The following ADAMTSL1 variants were observed in gnomAD, a reference collection of about 807,000 sequenced individuals.
The protein encoded by ADAMTSL1 is ADAMTS like 1.
Under a neutral mutation model 201.8 loss-of-function variants are expected in ADAMTSL1, and 126 were observed. The observed-to-expected ratio is 0.62, with a 90% CI of 0.54 to 0.72. ADAMTSL1 has a LOEUF of 0.72. ADAMTSL1 is among the 30% of genes least tolerant of loss of function. The pLI is 0.00. For synonymous variants in ADAMTSL1, 1,121 were observed against 903.4 expected (o/e 1.24, Z -4.32); for missense variants, 2,679 against 2,277.8 (o/e 1.18, Z -3.59).
At chr9:18,331,227 G>A (rs1201880397) in intron 2 of ADAMTSL1, among the ~76,000 whole-genome samples, 1 of 152,200 alleles carries the variant, frequency 6.6e-6, no homozygotes, top group East Asian at 1.9e-4. Context: ...TGCTAAGGAA[G>A]TGTGTTGAGG....
chr9:17,941,504 C>G (rs183975523), intron 1 of ADAMTSL1, among the ~76,000 whole-genome samples: 2 of 152,204 alleles, frequency 1.3e-5, no homozygotes, highest in Admixed American at 6.5e-5. Context: ...GATACAATCT[C>G]TACCATTTAT....
At chr9:18,801,424 T>C (rs930818809) in intron 20 of ADAMTSL1, among the ~76,000 whole-genome samples, 3 of 152,210 alleles carry the variant, frequency 2.0e-5, no homozygotes, top group African/African-American at 7.2e-5. Flanking sequence ...AGGTTTTTTA[T>C]ACAGGTAAAC....
chr9:18,841,204 A>G (rs1171095438), intron 23 of ADAMTSL1, among the ~76,000 whole-genome samples: 1 of 152,190 alleles, frequency 6.6e-6, no homozygotes, highest in Non-Finnish European at 1.5e-5. Flanking sequence ...ATTTTGAGAT[A>G]CATCCCATTA....
At chr9:18,780,648 C>G (rs533614324) in intron 19 of ADAMTSL1, among the ~76,000 whole-genome samples, 1 of 152,110 alleles carries the variant, frequency 6.6e-6, no homozygotes, top group Non-Finnish European at 1.5e-5. Context: ...ATTTGGTATA[C>G]ATCCTTTTAG....
At chr9:18,152,363 T>C (rs1327443545) in intron 1 of ADAMTSL1, among the ~76,000 whole-genome samples, 1 of 151,920 alleles carries the variant, frequency 6.6e-6, no homozygotes, top group Non-Finnish European at 1.5e-5. Flanking sequence ...CAAAGTTCAG[T>C]ATATGAATGC....
intron 1 of ADAMTSL1, among the ~76,000 whole-genome samples, chr9:17,920,692 T>G (rs1279496882): frequency 1.3e-5 from 2 of 152,214 alleles, no homozygotes; most frequent in Non-Finnish European, 2.9e-5. Flanking sequence ...TCATTTTATA[T>G]CTGGCACTCT....
chr9:18,798,260 G>A (rs1160715516), intron 20 of ADAMTSL1, among the ~76,000 whole-genome samples: 2 of 152,116 alleles, frequency 1.3e-5, no homozygotes, highest in African/African-American at 4.8e-5. Context: ...TAAAATCATG[G>A]GCTCTGGAGC....
intron 1 of ADAMTSL1, among the ~76,000 whole-genome samples, chr9:18,018,450 T>C (rs1820347749): frequency 6.6e-6 from 1 of 152,086 alleles, no homozygotes; most frequent in Non-Finnish European, 1.5e-5. Flanking sequence ...TTCCCTCTAA[T>C]AGACTATGGC....
At chr9:18,519,269 C>G (rs1231386583) in intron 2 of ADAMTSL1, among the ~76,000 whole-genome samples, 1 of 152,172 alleles carries the variant, frequency 6.6e-6, no homozygotes, top group Non-Finnish European at 1.5e-5. Flanking sequence ...AACCTTCTTG[C>G]CTTGCACAGA....
At chr9:18,160,435 T>C (rs1827332535) in intron 1 of ADAMTSL1, among the ~76,000 whole-genome samples, 1 of 151,994 alleles carries the variant, frequency 6.6e-6, no homozygotes, top group Admixed American at 6.6e-5. Context: ...CCATTAGCCA[T>C]ACATACAATT....
chr9:18,187,005 T>C (rs1828767686), intron 2 of ADAMTSL1, among the ~76,000 whole-genome samples: 1 of 152,152 alleles, frequency 6.6e-6, no homozygotes, highest in African/African-American at 2.4e-5. Flanking sequence ...TCTGGAATAC[T>C]TCAGTGGAAA....
intron 2 of ADAMTSL1, among the ~76,000 whole-genome samples, chr9:18,456,895 T>G (rs1283291526): frequency 1.3e-5 from 2 of 152,164 alleles, no homozygotes; most frequent in Non-Finnish European, 2.9e-5. Flanking sequence ...ATTTATTTAA[T>G]TTTTTCCATA....
intron 15 of ADAMTSL1, among the ~76,000 whole-genome samples, chr9:18,722,438 G>A (rs1564182355): frequency 6.6e-6 from 1 of 152,326 alleles, no homozygotes; most frequent in East Asian, 1.9e-4. Flanking sequence ...CTAGATAAAA[G>A]GGGGAATGCT....
intron 1 of ADAMTSL1, among the ~76,000 whole-genome samples, chr9:17,960,257 C>G (rs1817687877): frequency 6.6e-6 from 1 of 152,174 alleles, no homozygotes; most frequent in East Asian, 1.9e-4. Flanking sequence ...ACGCTTGCTA[C>G]AAACTGTAGA....
chr9:18,480,925 G>A (rs2131806202), intron 1 of ADAMTSL1, among the ~76,000 whole-genome samples: 1 of 152,242 alleles, frequency 6.6e-6, no homozygotes, highest in South Asian at 2.1e-4. Context: ...GCAAGGCTGT[G>A]GTGAAACAGT....
chr9:18,609,932 C>T (rs779904584), intron 4 of ADAMTSL1, among the ~76,000 whole-genome samples: 5 of 152,160 alleles, frequency 3.3e-5, no homozygotes, highest in African/African-American at 4.8e-5. Context: ...GAACTGAACT[C>T]GTACTGAGAG....
chr9:18,281,617 A>G (rs779968085), intron 2 of ADAMTSL1, among the ~76,000 whole-genome samples: 1 of 152,244 alleles, frequency 6.6e-6, no homozygotes, highest in Non-Finnish European at 1.5e-5. Flanking sequence ...TAACTAAGGT[A>G]TAAGAATAGA....
intron 1 of ADAMTSL1, among the ~76,000 whole-genome samples, chr9:18,485,004 C>T (rs1283011002): frequency 6.6e-6 from 1 of 152,126 alleles, no homozygotes; most frequent in Non-Finnish European, 1.5e-5. Flanking sequence ...TTAGTTAATA[C>T]TCAAGAGAGT....
chr9:18,742,524 C>G (rs1339287753), intron 15 of ADAMTSL1, among the ~76,000 whole-genome samples: 8 of 152,118 alleles, frequency 5.3e-5, no homozygotes, highest in African/African-American at 1.9e-4. Context: ...GGAAGTAAAT[C>G]CAATGGAATC....
Sources: allele counts gnomAD v4.1 joint callset (sites outside exome capture counted in the v4.1 genomes callset), GRCh38; gene constraint gnomAD v4.1.1; transcripts MANE v1.5; gene names NCBI Gene and HGNC (gene_info 2026-07-23, HGNC 2026-07-21).